CD44: variants seen among roughly 807,000 people sequenced by gnomAD.
CD44 encodes the protein CD44 antigen.
A neutral mutation model predicts 88.8 loss-of-function variants in CD44; 49 were observed. That is an observed-to-expected ratio of 0.55 (90% CI 0.44 to 0.70). CD44 has a LOEUF of 0.70. Ranked by LOEUF, CD44 falls within the 30% of genes least tolerant of loss-of-function variation. The pLI, the probability that CD44 is intolerant of heterozygous loss-of-function variation, is 0.00. For synonymous variants in CD44, 325 were observed against 312.3 expected, an observed-to-expected ratio of 1.04 and a Z score of -0.43; for missense variants, 883 against 913.8, an observed-to-expected ratio of 0.97 and a Z score of 0.43.
chr11:35,194,665 A>G (rs899521829), intron 5 of CD44, among the ~76,000 whole-genome samples: 5 of 152,350 alleles, frequency 3.3e-5, no homozygotes, highest in Admixed American at 1.3e-4. Flanking sequence ...AGGGTCTTGT[A>G]CCACTTCATA....
intron 1 of CD44, among the ~76,000 whole-genome samples, chr11:35,148,675 G>A (rs778471123): frequency 2.4e-4 from 36 of 152,298 alleles, no homozygotes; most frequent in South Asian, 4.1e-4. Flanking sequence ...GCTCCTTAGG[G>A]AAAAGCCCAA....
intron 1 of CD44, among the ~76,000 whole-genome samples, chr11:35,147,523 C>A (rs1590884164): frequency 1.3e-5 from 2 of 152,268 alleles, no homozygotes; most frequent in East Asian, 3.9e-4. Context: ...GAGGCAAGGC[C>A]CCCTGGGAAC....
chr11:35,165,049 G>C (rs1267788334), intron 1 of CD44, among the ~76,000 whole-genome samples: 1 of 152,124 alleles, frequency 6.6e-6, no homozygotes, highest in Admixed American at 6.5e-5. Flanking sequence ...CTTTGTGGTG[G>C]GTGCCAGAAC....
intron 3 of CD44, among the ~76,000 whole-genome samples, chr11:35,184,497 C>T (rs747958541): frequency 4.6e-5 from 7 of 152,182 alleles, no homozygotes; most frequent in African/African-American, 1.4e-4. Context: ...TCATAGGTTG[C>T]GTCAGTTTCT....
chr11:35,210,293 G>A (rs1390909710), intron 13 of CD44: 2 of 304,192 alleles, frequency 6.6e-6, no homozygotes, highest in East Asian at 1.1e-4. Flanking sequence ...TCTAGAGTTA[G>A]TGATTTGTTT....
chr11:35,184,288 T>C (rs183517247), intron 3 of CD44, among the ~76,000 whole-genome samples: 6,543 of 152,272 alleles, frequency 0.043, 232 homozygotes, highest in African/African-American at 0.092. Flanking sequence ...GAACAAATGC[T>C]CTAATAATTT....
rs928926093 is a variant in CD44, at chr11:35,219,452, G to A, written c.1945+65G>A. ...CAGCTTTCTCAGAATGTCCCAGCAA[G>A]GACGAAGAGACTCATTTGAAAGCAC... On this transcript the variant is annotated intron_variant, in intron 16 of 17. Transcript: ENST00000428726. 37 of 1,169,340 alleles carry A rather than the reference G, an allele frequency of 3.2e-5. 2 individuals carry two copies. The highest frequency in any genetic ancestry group is 2.7e-4 in the Admixed American group (15 of 55,378). The allele number at this position is 1,169,340 out of a possible 1,614,324, so 72.4% of individuals were successfully genotyped here.
intron 17 of CD44, among the ~76,000 whole-genome samples, chr11:35,226,273 C>T (rs1357400939): frequency 2.0e-5 from 3 of 152,194 alleles, no homozygotes; most frequent in Non-Finnish European, 2.9e-5. Context: ...AATCCCCACC[C>T]ACTCCCATGC....
At chr11:35,213,315 A>G (rs1948557177) in intron 14 of CD44, among the ~76,000 whole-genome samples, 2 of 152,142 alleles carry the variant, frequency 1.3e-5, no homozygotes, top group African/African-American at 2.4e-5. Flanking sequence ...CCCAATTCTC[A>G]TCCTTGGTTT....
intron 14 of CD44, among the ~76,000 whole-genome samples, chr11:35,212,280 G>A (rs1948461630): frequency 6.6e-6 from 1 of 152,026 alleles, no homozygotes; most frequent in East Asian, 1.9e-4. Context: ...CAATTGCTTT[G>A]TAACACAATC....
intron 9 of CD44, among the ~76,000 whole-genome samples, chr11:35,202,623 C>A (rs377688617): frequency 1.3e-5 from 2 of 152,126 alleles, no homozygotes; most frequent in South Asian, 4.1e-4. Context: ...GAAATGTGAG[C>A]CACTTAAAAG....
At chr11:35,199,254 CT>C (rs896739394) in intron 7 of CD44, among the ~76,000 whole-genome samples, 2 of 152,138 alleles carry the variant, frequency 1.3e-5, no homozygotes, top group Admixed American at 1.3e-4. Context: ...AATTATAAAA[CT>C]TTTTGAGAAC....
intron 17 of CD44, among the ~76,000 whole-genome samples, chr11:35,226,514 C>A (rs1405998905): frequency 6.6e-6 from 1 of 152,152 alleles, no homozygotes; most frequent in Non-Finnish European, 1.5e-5. Flanking sequence ...GAGAAACAAG[C>A]AAAATTCATT....
chr11:35,205,426 A>T (rs1335067671), intron 10 of CD44, among the ~76,000 whole-genome samples: 1 of 151,940 alleles, frequency 6.6e-6, no homozygotes, highest in Non-Finnish European at 1.5e-5. Context: ...GGCAAGTTCT[A>T]AATGAATTCC....
intron 1 of CD44, among the ~76,000 whole-genome samples, chr11:35,160,903 G>A (rs1248899698): frequency 6.6e-6 from 1 of 152,174 alleles, no homozygotes; most frequent in African/African-American, 2.4e-5. Context: ...GTTTTATAAA[G>A]TCTCTCTTTC....
At chr11:35,214,543 C>T in intron 14 of CD44, 1 of 274,168 alleles carries the variant, frequency 3.6e-6, no homozygotes. Flanking sequence ...TAGCATGTTC[C>T]TTACCACAGT....
At chr11:35,217,171 T>G (rs1271493385) in intron 15 of CD44, among the ~76,000 whole-genome samples, 1 of 152,130 alleles carries the variant, frequency 6.6e-6, no homozygotes, top group Admixed American at 6.5e-5. Context: ...AGCCAGTCTC[T>G]TTTGTTTGGC....
chr11:35,224,210 C>T (rs568318851), intron 17 of CD44, among the ~76,000 whole-genome samples: 109 of 152,262 alleles, frequency 7.2e-4, no homozygotes, highest in African/African-American at 2.3e-3. Flanking sequence ...CTGTGAGTCA[C>T]GTTGTCTTAA....
intron 5 of CD44, among the ~76,000 whole-genome samples, chr11:35,195,715 G>T (rs1229223348): frequency 6.6e-6 from 1 of 151,986 alleles, no homozygotes; most frequent in East Asian, 1.9e-4. Flanking sequence ...TATAGAAATG[G>T]CAGTCTTTGG....
Sources: gnomAD v4.1 joint callset for allele counts (sites outside exome capture counted in the v4.1 genomes callset) on GRCh38, gnomAD v4.1.1 for gene constraint, MANE v1.5 for transcripts, NCBI Gene and HGNC (gene_info 2026-07-23, HGNC 2026-07-21) for gene names.